EIF3H: variants seen among roughly 807,000 people sequenced by gnomAD.
The protein encoded by EIF3H is eIF-3-gamma.
EIF3H carries 26 observed loss-of-function variants against 44.2 expected under a neutral mutation model. The ratio of observed to expected loss-of-function variants is 0.59; its 90% CI spans 0.43 to 0.82. The LOEUF (loss-of-function observed/expected upper bound fraction) is 0.82, where lower values mean the gene tolerates loss of function less well. Ranked by LOEUF, EIF3H falls within the 40% of genes least tolerant of loss-of-function variation. The pLI is 0.00. For missense variants in EIF3H, 359 were observed against 432.8 expected (o/e 0.83, Z 1.51); for synonymous variants, 166 against 151.9 (o/e 1.09, Z -0.68).
intron 2 of EIF3H, among the ~76,000 whole-genome samples, chr8:116,688,187 G>A (rs1365082263): frequency 1.3e-5 from 2 of 152,106 alleles, no homozygotes; most frequent in Non-Finnish European, 2.9e-5. Context: ...AGACAGTAGT[G>A]AAATACCTTC....
At chr8:116,705,423 T>A (rs115506599) in intron 2 of EIF3H, among the ~76,000 whole-genome samples, 1,756 of 151,812 alleles carry the variant, frequency 0.012, 37 homozygotes, top group African/African-American at 0.039. Context: ...CAGAAAGACA[T>A]TAGACACTAC....
chr8:116,673,929 G>T (rs1307682173), intron 2 of EIF3H, among the ~76,000 whole-genome samples: 1 of 151,778 alleles, frequency 6.6e-6, no homozygotes, highest in African/African-American at 2.4e-5. Flanking sequence ...AATTAGCTGG[G>T]CGTGGTGGTG....
At chr8:116,721,081 C>T (rs185687563) in intron 2 of EIF3H, among the ~76,000 whole-genome samples, 1 of 152,254 alleles carries the variant, frequency 6.6e-6, no homozygotes, top group African/African-American at 2.4e-5. Flanking sequence ...CGTCGGAGAC[C>T]TTCACAGCAG....
chr8:116,722,610 C>T (rs1814768895), intron 2 of EIF3H, among the ~76,000 whole-genome samples: 1 of 152,084 alleles, frequency 6.6e-6, no homozygotes, highest in Admixed American at 6.6e-5. Flanking sequence ...TTTTAAATTT[C>T]ACACAAATAG....
At chr8:116,711,225 A>G (rs1814567954) in intron 2 of EIF3H, among the ~76,000 whole-genome samples, 1 of 152,184 alleles carries the variant, frequency 6.6e-6, no homozygotes, top group South Asian at 2.1e-4. Flanking sequence ...AGGGGCAGGG[A>G]GGCAAACCAG....
chr8:116,710,566 T>C (rs576177035), intron 2 of EIF3H, among the ~76,000 whole-genome samples: 1 of 152,220 alleles, frequency 6.6e-6, no homozygotes. Context: ...GGTGTTAAAT[T>C]TAATATCATT....
At chr8:116,663,962 G>A (rs921881410) in intron 2 of EIF3H, among the ~76,000 whole-genome samples, 7 of 150,446 alleles carry the variant, frequency 4.7e-5, no homozygotes, top group Non-Finnish European at 1.0e-4. Context: ...CAAACTGGTC[G>A]TTACTATTAG....
Position 116,658,861 on chromosome 8 carries a change from G to A in EIF3H, c.409C>T (p.Gln137Ter). Residue 137 changes from glutamine to a stop codon, truncating the protein, a stop_gained, in exon 3 of 8, where the codon CAG (glutamine) becomes TAG (stop). Coordinates refer to ENST00000521861, the MANE Select transcript of EIF3H (RefSeq NM_003756.3). LOFTEE classifies it high-confidence loss of function. Reference sequence around the variant, plus strand: ...TCAATGGCATGCTGGTAACTAAACTGAGAGTCCAGGAGTGCCCGGGTAACG... The same window carrying A: ...TCAATGGCATGCTGGTAACTAAACTAAGAGTCCAGGAGTGCCCGGGTAACG... ...SFVTRALLDSQFSYQHAIEES... is the reference protein window; with the variant it reads ...SFVTRALLDS 1 of 1,613,824 alleles carries A rather than the reference G, an allele frequency of 6.2e-7. No homozygotes were observed. Among genetic ancestry groups the A allele is most frequent in the Non-Finnish European group, 8.5e-7 (1 of 1,179,826 alleles).
intron 1 of EIF3H, among the ~76,000 whole-genome samples, chr8:116,755,371 G>A (rs566930395): frequency 4.6e-5 from 7 of 152,228 alleles, no homozygotes; most frequent in East Asian, 1.9e-4. Context: ...CTGGTCTCCA[G>A]GAGTCTTTCT....
intron 2 of EIF3H, among the ~76,000 whole-genome samples, chr8:116,679,623 G>A (rs1210628326): frequency 3.0e-4 from 7 of 23,018 alleles, no homozygotes; most frequent in African/African-American, 9.2e-4. Context: ...CGCCCCGTCC[G>A]GGAGGGAGGT....
chr8:116,693,025 T>C (rs1331534891), intron 2 of EIF3H, among the ~76,000 whole-genome samples: 3 of 152,176 alleles, frequency 2.0e-5, no homozygotes, highest in Non-Finnish European at 2.9e-5. Context: ...GTAGAGAAGA[T>C]TTTTTATAAC....
At chr8:116,712,401 T>C (rs766600702) in intron 2 of EIF3H, among the ~76,000 whole-genome samples, 15 of 152,146 alleles carry the variant, frequency 9.9e-5, no homozygotes, top group Middle Eastern at 3.2e-3. Flanking sequence ...GTAGGTTAGA[T>C]GTTAGAGGGC....
rs1475516665 is a variant in EIF3H, at chr8:116,648,903, T to C, written c.731A>G (p.Gln244Arg). 6.2e-7 allele frequency: 1 copy of C among 1,611,676 alleles called. No homozygotes were observed. Among genetic ancestry groups the C allele is most frequent in the Admixed American group, 1.7e-5 (1 of 59,574 alleles). ...TTCATCCACTCTGTCCATCAGCAAC[T>C]GTAGATTCTTCCCCAAATGATTGCT... is the stretch of plus-strand genomic sequence containing the variant. Reference protein sequence around the residue: ...ASSNHLGKNLQLLMDRVDEMS... With the variant: ...ASSNHLGKNLRLLMDRVDEMS... The change falls in exon 6 of 8, where the codon CAG becomes CGG. Residue 244 changes from glutamine to arginine, a missense_variant. This residue lies in a region of EIF3H where 30 missense variants were observed against 59.5 expected (regional missense o/e 0.50). Transcript: ENST00000521861.
chr8:116,730,175 T>C (rs1377248183), intron 1 of EIF3H, among the ~76,000 whole-genome samples: 1 of 152,180 alleles, frequency 6.6e-6, no homozygotes, highest in African/African-American at 2.4e-5. Flanking sequence ...TAGGATTCAT[T>C]TGGAGCAGGG....
chr8:116,727,638 G>T (rs148262027), intron 1 of EIF3H, among the ~76,000 whole-genome samples: 4 of 152,164 alleles, frequency 2.6e-5, no homozygotes, highest in Admixed American at 1.3e-4. Context: ...CATAGTTGGG[G>T]GGTTAGTTTT....
At chr8:116,679,574 G>A (rs1416419726) in intron 2 of EIF3H, among the ~76,000 whole-genome samples, 2 of 23,062 alleles carry the variant, frequency 8.7e-5, no homozygotes, top group Non-Finnish European at 1.5e-4. Context: ...CGCCCCATCC[G>A]GGAGGAAGGT....
chr8:116,663,516 T>C (rs868516223), intron 2 of EIF3H, among the ~76,000 whole-genome samples: 15 of 152,358 alleles, frequency 9.8e-5, no homozygotes, highest in African/African-American at 3.4e-4. Flanking sequence ...GGGAGAACTA[T>C]TTTAAAATTC....
chr8:116,657,280 T>C lies in EIF3H; in HGVS notation c.492A>G (p.Leu164=), dbSNP rs1309365499. The C allele has an allele frequency of 1.9e-6, 3 of 1,613,614 alleles. No homozygotes were observed. The highest frequency in any genetic ancestry group is 1.1e-5 in the South Asian group (1 of 91,072). The change falls in exon 4 of 8, where the codon CTA becomes CTG. Residue 164 remains leucine (L), a synonymous_variant. Coordinates refer to ENST00000521861, the MANE Select transcript of EIF3H (RefSeq NM_003756.3). ...GTTTAGGAGTCAGTCTGTATGCCTT[T>C]AGTGAGAGAGATCCTTGGGCAGTTT... ...PIKTAQGSLS[L]KAYRLTPKLM...
chr8:116,699,803 GTTT>G (rs11390402), intron 2 of EIF3H, among the ~76,000 whole-genome samples: 1 of 151,520 alleles, frequency 6.6e-6, no homozygotes, highest in Admixed American at 6.6e-5. Flanking sequence ...AGGTTTTTTG[GTTT>G]TTTTTGTTTG....
Sources: gnomAD v4.1 joint callset for allele counts (sites outside exome capture counted in the v4.1 genomes callset) on GRCh38, gnomAD v4.1.1 for gene constraint, gnomAD v4.1.1 regional missense constraint, MANE v1.5 for transcripts, NCBI Gene and HGNC (gene_info 2026-07-23, HGNC 2026-07-21) for gene names.